Variants in MAGI1 observed in about 807,000 individuals in gnomAD.
MAGI1 encodes membrane associated guanylate kinase, WW and PDZ domain containing 1.
A neutral mutation model predicts 139.9 loss-of-function variants in MAGI1; 58 were observed. The observed-to-expected ratio is 0.41, with a 90% CI of 0.34 to 0.52. The LOEUF (loss-of-function observed/expected upper bound fraction) is 0.52, where lower values mean the gene tolerates loss of function less well. Among genes scored for constraint, MAGI1 ranks in the 20% least tolerant of loss-of-function variants. MAGI1 has a pLI of 0.12. For synonymous variants in MAGI1, 812 were observed against 737.9 expected (o/e 1.10, Z -1.63); for missense variants, 1,874 against 1,901.6 (o/e 0.99, Z 0.27).
At chr3:65,410,337 C>A (rs1024471501) in intron 12 of MAGI1, among the ~76,000 whole-genome samples, 5 of 152,346 alleles carry the variant, frequency 3.3e-5, no homozygotes, top group African/African-American at 1.2e-4. Flanking sequence ...GTACTAATAT[C>A]TTCTCATTCT....
intron 1 of MAGI1, among the ~76,000 whole-genome samples, chr3:65,823,919 CTGGGTA>C (rs1437425500): frequency 2.0e-5 from 3 of 152,258 alleles, no homozygotes; most frequent in African/African-American, 7.2e-5. Context: ...ATTTAAGAAA[CTGGGTA>C]TGAATCTTGG....
At position 65,379,332 on chromosome 3, in the gene MAGI1, C is replaced by T. The variant is rs1181900565; in HGVS notation, c.2924G>A (p.Arg975His). The change falls in exon 17 of 23, where the codon CGC becomes CAC. Residue 975 changes from arginine (R) to histidine (H), a missense_variant. By Grantham distance (29) the Arg-to-His change is conservative. Around this residue, in one of 5 missense-constraint regions of MAGI1, gnomAD observed 482 missense variants for 509.6 expected, o/e 0.95. Coordinates refer to ENST00000402939, the MANE Select transcript of MAGI1 (RefSeq NM_001033057.2). The stretch of plus-strand genomic sequence containing the variant: ...GAAGCCGAAGCCCTCGTTCTCCCCG[C>T]GCCGGATCTCCACGTCGTAGGGCTG... ...VVQPYDVEIR[R>H]GENEGFGFVI... 2 of 1,613,318 alleles carry T rather than the reference C, an allele frequency of 1.2e-6. No homozygotes were observed. The highest frequency in any genetic ancestry group is 1.7e-6 in the Non-Finnish European group (2 of 1,179,654).
At chr3:65,843,739 A>T (rs956217844) in intron 1 of MAGI1, among the ~76,000 whole-genome samples, 1 of 152,172 alleles carries the variant, frequency 6.6e-6, no homozygotes, top group African/African-American at 2.4e-5. Context: ...TTGTTTTGAC[A>T]TCAAAGCAAC....
At chr3:65,797,339 C>A (rs957653469) in intron 1 of MAGI1, among the ~76,000 whole-genome samples, 1 of 152,262 alleles carries the variant, frequency 6.6e-6, no homozygotes, top group Non-Finnish European at 1.5e-5. Context: ...CTATGACTCA[C>A]TACATTATTC....
At chr3:66,020,803 T>G (rs2067919940) in intron 1 of MAGI1, among the ~76,000 whole-genome samples, 1 of 152,200 alleles carries the variant, frequency 6.6e-6, no homozygotes, top group African/African-American at 2.4e-5. Context: ...AAATCACTTT[T>G]CAGTCATCCA....
At chr3:65,912,289 G>C (rs906644395) in intron 1 of MAGI1, among the ~76,000 whole-genome samples, 2 of 150,058 alleles carry the variant, frequency 1.3e-5, no homozygotes, top group Non-Finnish European at 3.0e-5. Flanking sequence ...TCGTGTTCTC[G>C]CACTGTAGAA....
chr3:65,747,701 G>A (rs990620487), intron 1 of MAGI1, among the ~76,000 whole-genome samples: 1 of 152,138 alleles, frequency 6.6e-6, no homozygotes, highest in Non-Finnish European at 1.5e-5. Flanking sequence ...CCACAATAAT[G>A]CAAGATGTTA....
chr3:65,757,067 C>G (rs995999276), intron 1 of MAGI1, among the ~76,000 whole-genome samples: 1 of 140,542 alleles, frequency 7.1e-6, no homozygotes, highest in Non-Finnish European at 1.5e-5. Context: ...ACCTCCTTGC[C>G]GGGAGGTTTA....
chr3:65,540,588 G>A (rs1192715995), intron 2 of MAGI1, among the ~76,000 whole-genome samples: 1 of 152,142 alleles, frequency 6.6e-6, no homozygotes, highest in Admixed American at 6.6e-5. Context: ...TGATACTGCA[G>A]GTTGCTTTAC....
At chr3:65,794,801 A>T (rs1266135995) in intron 1 of MAGI1, among the ~76,000 whole-genome samples, 1 of 151,908 alleles carries the variant, frequency 6.6e-6, no homozygotes, top group Non-Finnish European at 1.5e-5. Context: ...TAATATGTTC[A>T]ATAAAAAGCT....
rs1947346938 is a variant in MAGI1 at position 65,430,125 on chromosome 3, C to T, written c.1562G>A (p.Ser521Asn). 3.1e-6 allele frequency: 5 copies of T among 1,612,748 alleles called. No individual in the cohort carries two copies. Among genetic ancestry groups the T allele is most frequent in the African/African-American group, 2.7e-5 (2 of 75,012 alleles). The part of the protein sequence containing the change: ...GKMETGDVIV[S>N]VNDTCVLGHT... ...TCCCAAAACACAGGTGTCATTCACA[C>T]TTACAATCACATCCCCTGTAGAAGG... The change falls in exon 12 of 23, where the codon AGT becomes AAT. Residue 521 changes from serine to asparagine, a missense_variant. By Grantham distance (46) the Ser-to-Asn change is conservative. Transcript: ENST00000402939.
At chr3:65,446,716 A>G (rs1026563923) in intron 7 of MAGI1, among the ~76,000 whole-genome samples, 2 of 152,206 alleles carry the variant, frequency 1.3e-5, no homozygotes, top group Non-Finnish European at 2.9e-5. Flanking sequence ...TTTATCTAAT[A>G]TCATTGGATT....
intron 2 of MAGI1, among the ~76,000 whole-genome samples, chr3:65,558,470 C>T (rs930206708): frequency 3.3e-5 from 5 of 152,120 alleles, no homozygotes; most frequent in African/African-American, 1.2e-4. Context: ...GGCAACATAG[C>T]ATGACCCTGT....
At chr3:65,714,861 C>G (rs779844969) in intron 1 of MAGI1, among the ~76,000 whole-genome samples, 2 of 152,100 alleles carry the variant, frequency 1.3e-5, no homozygotes, top group Admixed American at 6.5e-5. Flanking sequence ...TGTGACCAAG[C>G]CTGGCAGTTT....
chr3:65,867,759 G>C (rs4611851), intron 1 of MAGI1, among the ~76,000 whole-genome samples: 24,596 of 151,900 alleles, frequency 0.16, 2,542 homozygotes, highest in East Asian at 0.34. Flanking sequence ...AATCAAAAAA[G>C]GGGTGGGAGT....
rs547573350 is a variant in MAGI1, at chr3:65,479,404, G to T, written c.551-606C>A. Reference sequence around the variant, plus strand: ...CTGTGTCAATGGTGGCACCCAGTATGGGTCACTCTTCCAGTAGTGGCCCAT... The same window carrying T: ...CTGTGTCAATGGTGGCACCCAGTATTGGTCACTCTTCCAGTAGTGGCCCAT... On this transcript the variant is annotated intron_variant, in intron 3 of 22. Coordinates refer to ENST00000402939, the MANE Select transcript of MAGI1 (RefSeq NM_001033057.2). Among the ~76,000 whole-genome samples, 3 of 151,684 alleles carry T rather than the reference G, an allele frequency of 2.0e-5. No individual in the cohort carries two copies. In the South Asian group the frequency reaches 6.2e-4, roughly 32 times the overall value.
intron 9 of MAGI1, 147 bp from the exon 10 acceptor site, chr3:65,437,394 C>A: frequency 2.7e-6 from 1 of 376,468 alleles, no homozygotes; most frequent in Non-Finnish European, 4.5e-6. Context: ...TGACCTCATT[C>A]TATGAAGCTC....
At chr3:65,373,099 G>GCCTATCTCAGCTTTTGA (rs1942161841) in intron 18 of MAGI1, among the ~76,000 whole-genome samples, 1 of 152,102 alleles carries the variant, frequency 6.6e-6, no homozygotes, top group East Asian at 1.9e-4. Flanking sequence ...CTAGCTTTTG[G>GCCTATCTCAGCTTTTGA]CCTATCTCAG....
At chr3:65,770,244 T>C (rs561124208) in intron 1 of MAGI1, among the ~76,000 whole-genome samples, 32 of 152,228 alleles carry the variant, frequency 2.1e-4, no homozygotes, top group Non-Finnish European at 4.0e-4. Flanking sequence ...CTTCTCCTAG[T>C]TCCAAAGACT....
Sources: gnomAD v4.1 joint callset for allele counts (sites outside exome capture counted in the v4.1 genomes callset) on GRCh38, gnomAD v4.1.1 for gene constraint, gnomAD v4.1.1 regional missense constraint, MANE v1.5 for transcripts, NCBI Gene and HGNC (gene_info 2026-07-23, HGNC 2026-07-21) for gene names.